The following USP34 variants were observed in gnomAD, a reference collection of about 807,000 sequenced individuals.
The protein encoded by USP34 is ubiquitin specific peptidase 34.
In USP34, 70 loss-of-function variants were observed where a neutral mutation model predicts 460.3. The observed-to-expected ratio is 0.15, with a 90% CI of 0.13 to 0.19. The LOEUF is 0.19. USP34 is among the 10% of genes least tolerant of loss of function. The pLI is 1.00. For missense variants in USP34, 3,985 were observed against 4,236.2 expected, an observed-to-expected ratio of 0.94 and a Z score of 1.65; for synonymous variants, 1,647 against 1,405.3, an observed-to-expected ratio of 1.17 and a Z score of -3.85.
intron 1 of USP34, among the ~76,000 whole-genome samples, chr2:61,459,214 G>C (rs537017103): frequency 1.3e-5 from 2 of 152,240 alleles, no homozygotes; most frequent in South Asian, 4.1e-4. Flanking sequence ...AAGATAGCTT[G>C]GTTAGTGAAA....
Position 61,281,163 on chromosome 2 carries a change from C to T in USP34, c.5078G>A (p.Arg1693His), listed in dbSNP as rs769308755. ...TGAGGCAGCCAATAGCAGAAAAGAA[C>T]GATTGATTGAGTCTCCTCCATCCAG... The part of the protein sequence containing the change: ...SGLDGGDSIN[R>H]SFLLLAASTL... The change falls in exon 38 of 80, where the codon CGT becomes CAT. Residue 1693 changes from arginine (R) to histidine (H), a missense_variant. Coordinates refer to ENST00000398571, the MANE Select transcript of USP34 (RefSeq NM_014709.4). The T allele has an allele frequency of 1.2e-6, 2 of 1,613,900 alleles. No individual in the cohort carries two copies. The highest frequency in any genetic ancestry group is 1.7e-6 in the Non-Finnish European group (2 of 1,179,922).
chr2:61,242,458 T>TACACACACACACAC (rs67471702), intron 51 of USP34, among the ~76,000 whole-genome samples: 147 of 129,760 alleles, frequency 1.1e-3, no homozygotes, highest in East Asian at 4.2e-3. Flanking sequence ...AGATAATACA[T>TACACACACACACAC]ACACACACAC....
chr2:61,356,401 G>T lies in USP34; in HGVS notation c.1252-5708C>A, dbSNP rs188238843. On this transcript the variant is annotated intron_variant, in intron 10 of 79. Coordinates refer to ENST00000398571, the MANE Select transcript of USP34 (RefSeq NM_014709.4). ...GCTACTTCAGAGGCTGAAGTGGGAG[G>T]ATGGCTTAATCCTGGAAGGTCAAGG... Among the ~76,000 whole-genome samples, 57 of 152,090 alleles carry T rather than the reference G, an allele frequency of 3.7e-4. 1 individual carries two copies. The highest frequency in any genetic ancestry group is 3.7e-3 in the Admixed American group (56 of 15,270).
intron 8 of USP34, among the ~76,000 whole-genome samples, chr2:61,375,768 C>CAAAAAAAAAAAAAAAA (rs56304309): frequency 5.4e-4 from 44 of 80,868 alleles, no homozygotes; most frequent in East Asian, 2.1e-3. Flanking sequence ...GACTCTGTCT[C>CAAAAAAAAAAAAAAAA]AAAAAAAAAA....
chr2:61,323,576 T>C (rs1219114513), intron 21 of USP34, among the ~76,000 whole-genome samples: 3 of 151,156 alleles, frequency 2.0e-5, no homozygotes, highest in Non-Finnish European at 4.4e-5. Context: ...CCAGCTACTC[T>C]GGAGACTGAG....
chr2:61,275,663 T>C (rs924371402), intron 41 of USP34, among the ~76,000 whole-genome samples: 3 of 151,946 alleles, frequency 2.0e-5, no homozygotes, highest in African/African-American at 7.2e-5. Flanking sequence ...TTTGAAAATA[T>C]CTAAGATAGG....
At chr2:61,317,152 G>A (rs529693976) in intron 23 of USP34, among the ~76,000 whole-genome samples, 2 of 152,234 alleles carry the variant, frequency 1.3e-5, no homozygotes, top group East Asian at 3.9e-4. Flanking sequence ...CAAGAAACAT[G>A]TAATAGATTT....
chr2:61,233,482 T>G (rs1224505308), intron 57 of USP34, among the ~76,000 whole-genome samples: 2 of 152,184 alleles, frequency 1.3e-5, no homozygotes, highest in Non-Finnish European at 2.9e-5. Flanking sequence ...TGAAAATTTT[T>G]TTTTGAGATG....
At chr2:61,213,326 C>T (rs1687320507) in intron 68 of USP34, among the ~76,000 whole-genome samples, 1 of 152,018 alleles carries the variant, frequency 6.6e-6, no homozygotes, top group African/African-American at 2.4e-5. Flanking sequence ...CTAATTTTCT[C>T]TGACTAGAAA....
At chr2:61,387,808 C>T (rs987410050) in intron 5 of USP34, among the ~76,000 whole-genome samples, 6 of 145,452 alleles carry the variant, frequency 4.1e-5, no homozygotes, top group Non-Finnish European at 6.0e-5. Flanking sequence ...ATATATTTTA[C>T]GTATACACAC....
chr2:61,282,243 G>A (rs1240766689), intron 37 of USP34, among the ~76,000 whole-genome samples: 1 of 152,044 alleles, frequency 6.6e-6, no homozygotes, highest in Admixed American at 6.6e-5. Context: ...CACCCACCTC[G>A]GCCTGTGATT....
At chr2:61,229,102 G>A (rs1202198123) in intron 59 of USP34, 107 bp from the exon 60 acceptor site, 17 of 818,262 alleles carry the variant, frequency 2.1e-5, no homozygotes, top group Non-Finnish European at 3.0e-5. Context: ...TTGAGATAAT[G>A]AATATGAACC....
In USP34 at chr2:61,325,293, T is replaced by C. The variant is rs1211640558; in HGVS notation, c.3013+82A>G. On this transcript the variant is annotated intron_variant, in intron 21 of 79. Transcript: ENST00000398571. ...AATTAAACTAAAAAAAAAAAAAAACTGCAGAAATCAGAAGCAAAAGTAAAT... is the reference window on the plus strand; with the variant it reads ...AATTAAACTAAAAAAAAAAAAAAACCGCAGAAATCAGAAGCAAAAGTAAAT... 7.4e-6 allele frequency: 6 copies of C among 808,852 alleles called. No individual in the cohort carries two copies. In the East Asian group the frequency reaches 2.0e-4, roughly 26 times the overall value. 50.1% of individuals were successfully genotyped at this position (808,852 alleles called of 1,614,324 possible). A position where few individuals can be genotyped will look rare whatever the true frequency, so the allele number is the denominator to read the frequency against.
rs765833434 is a variant in USP34 at position 61,350,363 on chromosome 2, A to T, written c.1404T>A (p.Ile468=). The change falls in exon 12 of 80, where the codon ATT becomes ATA. Residue 468 remains isoleucine, a synonymous_variant. Coordinates refer to ENST00000398571, the MANE Select transcript of USP34 (RefSeq NM_014709.4). ...CTAGTGCGTTATTCCACAGTGCTTTAATTAACATGGATGCCAAGTACAGTG... is the reference window on the plus strand; with the variant it reads ...CTAGTGCGTTATTCCACAGTGCTTTTATTAACATGGATGCCAAGTACAGTG... ...EQTLYLASML[I]KALWNNALAA... 2 of 1,613,428 alleles carry T rather than the reference A, an allele frequency of 1.2e-6. No homozygotes were observed. The highest frequency in any genetic ancestry group is 2.7e-5 in the African/African-American group (2 of 75,046).
intron 14 of USP34, 73 bp downstream of exon 14, chr2:61,348,683 A>T: frequency 6.5e-7 from 1 of 1,533,212 alleles, no homozygotes; most frequent in Non-Finnish European, 8.8e-7. Flanking sequence ...TTATGTATAT[A>T]TACCCAATTC....
chr2:61,440,449 C>T (rs963553635), intron 1 of USP34, among the ~76,000 whole-genome samples: 1 of 152,010 alleles, frequency 6.6e-6, no homozygotes. Context: ...GGAACTTGCT[C>T]TGCTGCAGAG....
At position 61,190,616 on chromosome 2, in the gene USP34, G is replaced by A; in HGVS notation, c.9631C>T (p.Pro3211Ser). The change falls in exon 77 of 80, where the codon CCT becomes TCT. Residue 3211 changes from proline to serine, a missense_variant. Pro to Ser is a moderately conservative substitution (Grantham distance 74). Coordinates refer to ENST00000398571, the MANE Select transcript of USP34 (RefSeq NM_014709.4). ...CATTTAATATATTCTGCGAAAACAG[G>A]ATCTTCACACAAAAGCTTGATGCAG... ...KNCIKLLCED[P>S]VFAEYIKCIL... 6.2e-7 allele frequency: 1 copy of A among 1,613,916 alleles called. No individual in the cohort carries two copies. The highest frequency in any genetic ancestry group is 8.5e-7 in the Non-Finnish European group (1 of 1,179,934).
chr2:61,252,502 C>T (rs116297221), intron 48 of USP34, among the ~76,000 whole-genome samples: 88 of 152,240 alleles, frequency 5.8e-4, no homozygotes, highest in African/African-American at 2.0e-3. Flanking sequence ...AATATACAAA[C>T]TCTGATTTAC....
chr2:61,376,187 A>C (rs528856334), intron 8 of USP34, among the ~76,000 whole-genome samples: 1 of 144,866 alleles, frequency 6.9e-6, no homozygotes, highest in African/African-American at 2.9e-5. Context: ...TGTATATTTT[A>C]AAAAGTGAAT....
Sources: allele counts gnomAD v4.1 joint callset (sites outside exome capture counted in the v4.1 genomes callset), GRCh38; gene constraint gnomAD v4.1.1; transcripts MANE v1.5; gene names NCBI Gene and HGNC (gene_info 2026-07-23, HGNC 2026-07-21).